Variants in BOD1L1 observed in about 807,000 individuals in gnomAD.
BOD1L1 encodes the protein biorientation of chromosomes in cell division protein 1-like 1.
BOD1L1 carries 86 observed loss-of-function variants against 240.7 expected under a neutral mutation model. The ratio of observed to expected loss-of-function variants is 0.36; its 90% CI spans 0.30 to 0.43. The LOEUF is 0.43. BOD1L1 is among the 20% of genes least tolerant of loss of function. BOD1L1 has a pLI of 1.00. For synonymous variants in BOD1L1, 1,268 were observed against 1,272.3 expected (o/e 1.00, Z 0.07); for missense variants, 3,554 against 3,643.5 (o/e 0.98, Z 0.63).
Position 13,602,672 on chromosome 4 carries a change from C to A in BOD1L1, c.4228G>T (p.Ala1410Ser). The change falls in exon 10 of 26, where the codon GCC (alanine) becomes TCC (serine). Residue 1410 changes from alanine to serine, a missense_variant. Physicochemically the swap from Ala to Ser is moderately conservative, Grantham distance 99. Around this residue, in one of 2 missense-constraint regions of BOD1L1, gnomAD observed 3,393 missense variants for 3,427.1 expected, o/e 0.99. Coordinates refer to ENST00000040738, the MANE Select transcript of BOD1L1 (RefSeq NM_148894.3). The stretch of plus-strand genomic sequence containing the variant: ...GCATTTAAGTCATTTTCTTTCTTGG[C>A]CATGTCCACTAAGCCACCTTCTTTG... Reference protein sequence around the residue: ...ITKEGGLVDMAKKENDLNAEP... With the variant: ...ITKEGGLVDMSKKENDLNAEP... 1 of 1,613,964 alleles carries A rather than the reference C, an allele frequency of 6.2e-7. No individual in the cohort carries two copies. Among genetic ancestry groups the A allele is most frequent in the Non-Finnish European group, 8.5e-7 (1 of 1,179,896 alleles).
Position 13,582,300 on chromosome 4 carries a change from G to C in BOD1L1, c.8529C>G (p.Ser2843Arg), listed in dbSNP as rs1334896539. Reference protein sequence around the residue: ...SRVMEEKDEYSSSETTGEKPE... With the variant: ...SRVMEEKDEYRSSETTGEKPE... ...GCTTTTCACCAGTAGTTTCACTGCT[G>C]CTATATTCATCTGTAGAAAAGGAAG... The change falls in exon 19 of 26, where the codon AGC (serine) becomes AGG (arginine). Residue 2843 changes from serine (S) to arginine (R), a missense_variant. Physicochemically the swap from Ser to Arg is moderately radical, Grantham distance 110. Coordinates refer to ENST00000040738, the MANE Select transcript of BOD1L1 (RefSeq NM_148894.3). The C allele has an allele frequency of 1.9e-6, 3 of 1,612,776 alleles. No homozygotes were observed. Among genetic ancestry groups the C allele is most frequent in the Admixed American group, 3.3e-5 (2 of 59,918 alleles).
intron 11 of BOD1L1, among the ~76,000 whole-genome samples, chr4:13,596,372 C>T (rs1229094734): frequency 6.6e-6 from 1 of 152,032 alleles, no homozygotes; most frequent in Non-Finnish European, 1.5e-5. Flanking sequence ...TGGGAAATTT[C>T]CACTCTACTT....
chr4:13,577,373 A>G, intron 24 of BOD1L1, 30 bp downstream of exon 24: 1 of 1,596,754 alleles, frequency 6.3e-7, no homozygotes, highest in Non-Finnish European at 8.5e-7. Flanking sequence ...TGAAACAATA[A>G]GACTTATTAA....
chr4:13,580,934 A>G, intron 21 of BOD1L1, 86 bp downstream of exon 21: 3 of 1,267,328 alleles, frequency 2.4e-6, no homozygotes, highest in Non-Finnish European at 3.2e-6. Flanking sequence ...TAAAAAAAAT[A>G]AAGTTCAAAA....
intron 1 of BOD1L1, among the ~76,000 whole-genome samples, chr4:13,621,102 T>C (rs1388542570): frequency 6.6e-6 from 1 of 152,182 alleles, no homozygotes; most frequent in African/African-American, 2.4e-5. Context: ...GAACCCTTGA[T>C]GTGCTCCCTG....
intron 9 of BOD1L1, 53 bp downstream of exon 9, chr4:13,607,064 A>G: frequency 8.4e-7 from 1 of 1,193,322 alleles, no homozygotes; most frequent in Non-Finnish European, 1.2e-6. Flanking sequence ...AAAGGAATAA[A>G]CAGCCTATAT....
chr4:13,605,191 C>T (rs1715595892), intron 9 of BOD1L1, 107 bp from the exon 10 acceptor site: 6 of 934,888 alleles, frequency 6.4e-6, no homozygotes, highest in Non-Finnish European at 8.8e-6. Flanking sequence ...ACATATGTAA[C>T]ATCTCACTTA....
intron 2 of BOD1L1, among the ~76,000 whole-genome samples, chr4:13,616,312 G>A (rs1475456091): frequency 6.6e-6 from 1 of 152,260 alleles, no homozygotes; most frequent in South Asian, 2.1e-4. Context: ...TAGATATGTC[G>A]AAGATAATTT....
chr4:13,604,062 G>A lies in BOD1L1; in HGVS notation c.2838C>T (p.Asn946=), dbSNP rs372088112. The A allele has an allele frequency of 3.1e-6, 5 of 1,613,654 alleles. No homozygotes were observed. The highest frequency in any genetic ancestry group is 4.2e-6 in the Non-Finnish European group (5 of 1,179,858). ...ATTPKPDKEK[N]TEENDSEKQR... Reference sequence around the variant, plus strand: ...GTTTTTCTGAGTCATTTTCTTCTGTGTTCTTCTCCTTGTCTGGTTTTGGAG... The same window carrying A: ...GTTTTTCTGAGTCATTTTCTTCTGTATTCTTCTCCTTGTCTGGTTTTGGAG... Residue 946 remains asparagine (N), a synonymous_variant, in exon 10 of 26, where the codon AAC becomes AAT. Coordinates refer to ENST00000040738, the MANE Select transcript of BOD1L1 (RefSeq NM_148894.3).
chr4:13,597,127 G>A lies in BOD1L1; in HGVS notation c.7996C>T (p.Leu2666=). Residue 2666 remains leucine (L), a synonymous_variant, in exon 11 of 26, where the codon CTG becomes TTG. Coordinates refer to ENST00000040738, the MANE Select transcript of BOD1L1 (RefSeq NM_148894.3). ...ACCTCCATTTTCAAGTTGGCTTTCA[G>A]TTTCAATCCTCCCAAAACATTCAAT... The part of the protein sequence containing the change: ...SPLNVLGGLK[L]KANLKMEAYV... 1 of 1,594,686 alleles carries A rather than the reference G, an allele frequency of 6.3e-7. No homozygotes were observed. Among genetic ancestry groups the A allele is most frequent in the Non-Finnish European group, 8.6e-7 (1 of 1,169,436 alleles).
chr4:13,618,903 G>A (rs1246441543), intron 2 of BOD1L1, among the ~76,000 whole-genome samples: 4 of 151,564 alleles, frequency 2.6e-5, no homozygotes, highest in Admixed American at 2.0e-4. Flanking sequence ...TCTCAAAGAT[G>A]TACTTGAACA....
intron 5 of BOD1L1, among the ~76,000 whole-genome samples, chr4:13,611,956 C>T (rs911992237): frequency 2.1e-4 from 32 of 152,282 alleles, no homozygotes; most frequent in Admixed American, 1.6e-3. Flanking sequence ...CCATCTTCTT[C>T]TCACTTTTTA....
Position 13,614,421 on chromosome 4 carries a change from T to C in BOD1L1, c.949A>G (p.Lys317Glu). The part of the protein sequence containing the change: ...VQQESSEQKN[K>E]STDKGEKKPD... ...TTCTTTTCACCTTTGTCTGTTGATT[T>C]ATTTTTTTGCTCACTGCTTTCCTGT... The change falls in exon 4 of 26, where the codon AAA (lysine) becomes GAA (glutamate). Residue 317 changes from lysine to glutamate, a missense_variant. Lys to Glu is a moderately conservative substitution (Grantham distance 56). Transcript: ENST00000040738. 6.3e-7 allele frequency: 1 copy of C among 1,597,356 alleles called. No homozygotes were observed. Among genetic ancestry groups the C allele is most frequent in the Non-Finnish European group, 8.5e-7 (1 of 1,170,294 alleles).
intron 17 of BOD1L1, among the ~76,000 whole-genome samples, chr4:13,585,030 TA>T (rs201527625): frequency 1.3e-5 from 2 of 152,178 alleles, no homozygotes; most frequent in African/African-American, 2.4e-5. Flanking sequence ...AATTTAACAT[TA>T]AAAAATCACG....
At position 13,602,424 on chromosome 4, in the gene BOD1L1, G is replaced by C. The variant is rs557125042; in HGVS notation, c.4476C>G (p.Pro1492=). The C allele has an allele frequency of 3.1e-6, 5 of 1,613,966 alleles. No individual in the cohort carries two copies. In the South Asian group the frequency reaches 5.5e-5, roughly 18 times the overall value. ...VDTSAGSGSA[P]SVLHQRNGQT... ...GTCCGTTCCTTTGGTGTAAAACAGA[G>C]GGTGCAGAGCCACTTCCAGCACTGG... Residue 1492 remains proline (P), a synonymous_variant, in exon 10 of 26, where the codon CCC becomes CCG. Transcript: ENST00000040738.
In BOD1L1 at chr4:13,603,574, C is replaced by T. The variant is rs766932562; in HGVS notation, c.3326G>A (p.Gly1109Asp). 6.2e-7 allele frequency: 1 copy of T among 1,614,026 alleles called. No individual in the cohort carries two copies. The highest frequency in any genetic ancestry group is 8.5e-7 in the Non-Finnish European group (1 of 1,179,890). Residue 1109 changes from glycine (G) to aspartate (D), a missense_variant, in exon 10 of 26, where the codon GGT (glycine) becomes GAT (aspartate). Coordinates refer to ENST00000040738, the MANE Select transcript of BOD1L1 (RefSeq NM_148894.3). The part of the protein sequence containing the change: ...GSSLQRPKKS[G>D]DMTLIPEQEP... ...TTGTTCAGGGATCAATGTCATATCA[C>T]CACTCTTTTTTGGTCTCTGAAGGGA...
intron 1 of BOD1L1, chr4:13,624,943 C>G (rs1021905208): frequency 6.6e-6 from 1 of 152,202 alleles, no homozygotes; most frequent in Non-Finnish European, 1.5e-5. Context: ...AGTGATGGTT[C>G]TTTGCATGAA....
chr4:13,601,241 T>G lies in BOD1L1; in HGVS notation c.5659A>C (p.Thr1887Pro). The change falls in exon 10 of 26, where the codon ACA (threonine) becomes CCA (proline). Residue 1887 changes from threonine to proline, a missense_variant. Transcript: ENST00000040738. ...GNEIGHASTC[T>P]GLGEESEGVL... ...CCTTCACTTTCTTCTCCTAACCCTG[T>G]ACAAGTTGAAGCATGCCCAATTTCA... 6.2e-7 allele frequency: 1 copy of G among 1,613,994 alleles called. No homozygotes were observed.
intron 12 of BOD1L1, among the ~76,000 whole-genome samples, chr4:13,593,942 G>T (rs1386392713): frequency 6.6e-6 from 1 of 152,164 alleles, no homozygotes; most frequent in Non-Finnish European, 1.5e-5. Flanking sequence ...TTCGTTTAGG[G>T]TGGACACATG....
Sources: gnomAD v4.1 joint callset for allele counts (sites outside exome capture counted in the v4.1 genomes callset) on GRCh38, gnomAD v4.1.1 for gene constraint, gnomAD v4.1.1 regional missense constraint, MANE v1.5 for transcripts, NCBI Gene and HGNC (gene_info 2026-07-23, HGNC 2026-07-21) for gene names.